The following TVP23A variants were observed in gnomAD, a reference collection of about 807,000 sequenced individuals.
TVP23A encodes trans-golgi network vesicle protein 23 homolog A, also known as Golgi apparatus membrane protein TVP23 homolog A.
Under a neutral mutation model 31.7 loss-of-function variants are expected in TVP23A, and 21 were observed. That is an observed-to-expected ratio of 0.66 (90% confidence interval 0.47 to 0.95). The LOEUF (loss-of-function observed/expected upper bound fraction) is 0.95. Ranked by LOEUF, TVP23A falls within the 40% of genes least tolerant of loss-of-function variation. The pLI is 0.00. For synonymous variants in TVP23A, 104 were observed against 96.0 expected (o/e 1.08, Z -0.49); for missense variants, 279 against 255.6 (o/e 1.09, Z -0.62).
chr16:10,801,080 G>A (rs1468630268), intron 2 of TVP23A, among the ~76,000 whole-genome samples: 1 of 152,154 alleles, frequency 6.6e-6, no homozygotes, highest in African/African-American at 2.4e-5. Context: ...TCTGCCTCAA[G>A]ACTTAGAATC....
intron 2 of TVP23A, among the ~76,000 whole-genome samples, chr16:10,786,978 T>C (rs919509461): frequency 6.6e-5 from 10 of 151,668 alleles, no homozygotes; most frequent in Admixed American, 6.6e-4. Flanking sequence ...CATTGAGTAA[T>C]GGACTGTTAC....
chr16:10,769,415 C>T (rs2031368953), intron 7 of TVP23A: 1 of 312,714 alleles, frequency 3.2e-6, no homozygotes, highest in South Asian at 6.3e-5. Context: ...TCTGCTGTGT[C>T]GGAAGCTTAG....
At chr16:10,774,846 C>T in intron 3 of TVP23A, 106 bp downstream of exon 3, 1 of 952,126 alleles carries the variant, frequency 1.1e-6, no homozygotes, top group African/African-American at 1.6e-5. Context: ...GCTCAGCACT[C>T]TTAAGCATGT....
At chr16:10,808,176 T>C (rs2034029561) in intron 2 of TVP23A, among the ~76,000 whole-genome samples, 1 of 152,238 alleles carries the variant, frequency 6.6e-6, no homozygotes, top group African/African-American at 2.4e-5. Context: ...GGAATAGTGC[T>C]TGCATATAGT....
At chr16:10,784,917 A>G (rs541200108) in intron 2 of TVP23A, among the ~76,000 whole-genome samples, 2 of 151,924 alleles carry the variant, frequency 1.3e-5, no homozygotes, top group Admixed American at 6.6e-5. Flanking sequence ...CCTGACCAAC[A>G]TGGTGAAACC....
intron 2 of TVP23A, among the ~76,000 whole-genome samples, chr16:10,804,950 T>TC (rs1225535834): frequency 6.6e-6 from 1 of 151,422 alleles, no homozygotes; most frequent in Non-Finnish European, 1.5e-5. Flanking sequence ...TTCTCCCCAC[T>TC]CCTCCCAGAT....
chr16:10,799,087 A>ATCT (rs2033562273), intron 2 of TVP23A, among the ~76,000 whole-genome samples: 1 of 152,212 alleles, frequency 6.6e-6, no homozygotes, highest in Admixed American at 6.5e-5. Flanking sequence ...GCCAACAGCC[A>ATCT]TGGGAGGACG....
chr16:10,802,348 C>T (rs964850583), intron 2 of TVP23A, among the ~76,000 whole-genome samples: 1 of 150,048 alleles, frequency 6.7e-6, no homozygotes, highest in Non-Finnish European at 1.5e-5. Flanking sequence ...GGTGTGATCT[C>T]GGCTCACTGC....
intron 2 of TVP23A, among the ~76,000 whole-genome samples, chr16:10,815,736 G>T (rs1443756226): frequency 1.3e-5 from 2 of 152,172 alleles, no homozygotes; most frequent in Non-Finnish European, 2.9e-5. Flanking sequence ...CCTGAACACT[G>T]CATTTCCCCA....
intron 2 of TVP23A, among the ~76,000 whole-genome samples, chr16:10,812,818 A>G (rs931058887): frequency 1.3e-5 from 2 of 152,170 alleles, no homozygotes; most frequent in African/African-American, 4.8e-5. Context: ...ACGTGACTAT[A>G]CTTGAACTAC....
intron 2 of TVP23A, among the ~76,000 whole-genome samples, chr16:10,796,159 G>A (rs1567302627): frequency 6.6e-6 from 1 of 152,014 alleles, no homozygotes; most frequent in Non-Finnish European, 1.5e-5. Context: ...ACCAACCTGG[G>A]CAACATGGTG....
chr16:10,766,822 G>A lies in TVP23A; in HGVS notation c.*2280C>T, dbSNP rs977436305. On this transcript the variant is annotated 3_prime_UTR_variant, in exon 8 of 8. Transcript: ENST00000299866. This position sits in a 1 kb window ranked among gnomAD's most constrained non-coding sequence, Gnocchi z 4.8. ...TACTTGAGGTACGCCCTATATAAAC[G>A]AAAAGGATGAAGTAAAGTTACAAAG... 3 of 397,694 alleles carry A rather than the reference G, an allele frequency of 7.5e-6. No individual in the cohort carries two copies. The highest frequency in any genetic ancestry group is 6.2e-5 in the African/African-American group (3 of 48,732). The allele number at this position is 397,694 out of a possible 1,614,324, so 24.6% of individuals were successfully genotyped here. A position where few individuals can be genotyped will look rare whatever the true frequency, so the allele number is the denominator to read the frequency against.
intron 2 of TVP23A, among the ~76,000 whole-genome samples, chr16:10,783,654 T>G (rs915832165): frequency 6.6e-6 from 1 of 152,008 alleles, no homozygotes; most frequent in Non-Finnish European, 1.5e-5. Context: ...CCAGCCTGGG[T>G]GACAGAGTGA....
At chr16:10,774,849 A>C (rs900628856) in intron 3 of TVP23A, 103 bp downstream of exon 3, 10 of 954,054 alleles carry the variant, frequency 1.0e-5, no homozygotes, top group Non-Finnish European at 1.6e-5. Flanking sequence ...CAGCACTCTT[A>C]AGCATGTCTC....
chr16:10,816,181 T>C (rs1388501114), intron 2 of TVP23A, among the ~76,000 whole-genome samples: 3 of 146,924 alleles, frequency 2.0e-5, no homozygotes, highest in Non-Finnish European at 4.4e-5. Context: ...GAGCCATAAT[T>C]GTACTACTGC....
chr16:10,772,958 C>T (rs1596495820), intron 5 of TVP23A, among the ~76,000 whole-genome samples: 1 of 152,304 alleles, frequency 6.6e-6, no homozygotes, highest in East Asian at 1.9e-4. Context: ...TCTTGGCTCA[C>T]TGCAACCTTT....
intron 2 of TVP23A, among the ~76,000 whole-genome samples, chr16:10,793,673 T>C (rs1284187355): frequency 6.6e-6 from 1 of 151,780 alleles, no homozygotes; most frequent in Non-Finnish European, 1.5e-5. Flanking sequence ...GGTGGGAGGA[T>C]CACTTGAGCT....
At position 10,774,973 on chromosome 16, in the gene TVP23A, G is replaced by A. The variant is rs1348287515; in HGVS notation, c.213C>T (p.Ser71=). Residue 71 remains serine, a synonymous_variant, in exon 3 of 8, where the codon TCC becomes TCT. Transcript: ENST00000299866. ...GCFVMVLLLL[S]LDFWSVKNVT... Reference sequence around the variant, plus strand: ...TCACCTTCACAGACCAGAAGTCCAGGGACAGGAGGAGCAGCACCATGACAA... The same window carrying A: ...TCACCTTCACAGACCAGAAGTCCAGAGACAGGAGGAGCAGCACCATGACAA... The A allele has an allele frequency of 6.2e-7, 1 of 1,612,998 alleles. No individual in the cohort carries two copies. Among genetic ancestry groups the A allele is most frequent in the South Asian group, 1.1e-5 (1 of 90,874 alleles).
intron 4 of TVP23A, among the ~76,000 whole-genome samples, chr16:10,773,796 C>T (rs2031802611): frequency 6.6e-6 from 1 of 152,190 alleles, no homozygotes; most frequent in African/African-American, 2.4e-5. Flanking sequence ...GTCTCAAACT[C>T]CTAACCTCAA....
Sources: gnomAD v4.1 joint callset for allele counts (sites outside exome capture counted in the v4.1 genomes callset) on GRCh38, gnomAD v4.1.1 for gene constraint, Gnocchi (gnomAD v3.1) non-coding constraint, MANE v1.5 for transcripts, NCBI Gene and HGNC (gene_info 2026-07-23, HGNC 2026-07-21) for gene names.